Variants in MAML3 observed in about 807,000 individuals in gnomAD.
MAML3 encodes mastermind-like protein 3.
Under a neutral mutation model 101.9 loss-of-function variants are expected in MAML3, and 27 were observed. The ratio of observed to expected loss-of-function variants is 0.27; its 90% CI spans 0.20 to 0.37. MAML3 has a LOEUF of 0.37. MAML3 is among the 10% of genes least tolerant of loss of function. The probability of loss-of-function intolerance (pLI) is 1.00; values close to 1 mark genes in which losing one functional copy is unlikely to be tolerated. For missense variants in MAML3, 1,316 were observed against 1,444.9 expected, an observed-to-expected ratio of 0.91 and a Z score of 1.45; for synonymous variants, 501 against 555.9, an observed-to-expected ratio of 0.90 and a Z score of 1.39.
At chr4:139,909,731 G>A (rs1366123840) in intron 1 of MAML3, among the ~76,000 whole-genome samples, 1 of 151,166 alleles carries the variant, frequency 6.6e-6, no homozygotes, top group Non-Finnish European at 1.5e-5. Flanking sequence ...CAGCTACTCA[G>A]GAGGCTGAGG....
chr4:139,988,671 T>C (rs1345976051), intron 1 of MAML3, among the ~76,000 whole-genome samples: 1 of 151,964 alleles, frequency 6.6e-6, no homozygotes, highest in East Asian at 1.9e-4. Flanking sequence ...TTTAAGAGAG[T>C]AGAAATATTT....
chr4:139,831,245 C>A (rs958741023), intron 2 of MAML3, among the ~76,000 whole-genome samples: 1 of 152,090 alleles, frequency 6.6e-6, no homozygotes, highest in African/African-American at 2.4e-5. Context: ...ATCATAAAAT[C>A]CTCAGGGTAA....
rs1726987941 is a variant in MAML3 at position 140,036,414 on chromosome 4, A to T, written c.468+116446T>A. Among the ~76,000 whole-genome samples, 3 of 152,240 alleles carry T rather than the reference A, an allele frequency of 2.0e-5. No individual in the cohort carries two copies. In the East Asian group the frequency reaches 5.8e-4, roughly 29 times the overall value. On this transcript the variant is annotated intron_variant, in intron 1 of 4. Transcript: ENST00000509479. The stretch of plus-strand genomic sequence containing the variant: ...GTCAGAGAATACTACAGGGAGGATG[A>T]AACAGCTACCGCGATTAAAAACCTG...
chr4:140,026,204 G>A (rs1314156685), intron 1 of MAML3, among the ~76,000 whole-genome samples: 1 of 152,000 alleles, frequency 6.6e-6, no homozygotes, highest in Non-Finnish European at 1.5e-5. Context: ...ATGTGTGTGT[G>A]TGTGTCTGTG....
chr4:139,912,204 A>C (rs1249804707), intron 1 of MAML3, among the ~76,000 whole-genome samples: 1 of 152,232 alleles, frequency 6.6e-6, no homozygotes, highest in Non-Finnish European at 1.5e-5. Flanking sequence ...GGAAGGGCAT[A>C]TCAATGCCAT....
chr4:139,850,385 G>A (rs1731526958), intron 2 of MAML3, among the ~76,000 whole-genome samples: 1 of 152,114 alleles, frequency 6.6e-6, no homozygotes, highest in Admixed American at 6.6e-5. Context: ...AAGTTGTCCT[G>A]GTGACCTCTT....
At chr4:140,051,640 C>T (rs745969817) in intron 1 of MAML3, among the ~76,000 whole-genome samples, 1 of 152,048 alleles carries the variant, frequency 6.6e-6, no homozygotes, top group Non-Finnish European at 1.5e-5. Context: ...GAATCTTCAC[C>T]AAGATAGGTA....
chr4:139,813,817 A>C (rs1205366360), intron 2 of MAML3, among the ~76,000 whole-genome samples: 1 of 152,214 alleles, frequency 6.6e-6, no homozygotes. Flanking sequence ...AGAAAGAAAA[A>C]GAAATGGATT....
In MAML3 at chr4:140,052,840, A is replaced by C. The variant is rs140436112; in HGVS notation, c.468+100020T>G. ...GTAAGCCACCGTGCCTGGCAAAAAAACCCATATATTTCTATTTGATGAGAA... is the reference window on the plus strand; with the variant it reads ...GTAAGCCACCGTGCCTGGCAAAAAACCCCATATATTTCTATTTGATGAGAA... On this transcript the variant is annotated intron_variant, in intron 1 of 4. Transcript: ENST00000509479. Among the ~76,000 whole-genome samples the C allele has an allele frequency of 4.3e-3, 656 of 152,128 alleles. 6 individuals are homozygous for C. Among genetic ancestry groups the C allele is most frequent in the African/African-American group, 0.014 (580 of 41,500 alleles).
intron 1 of MAML3, among the ~76,000 whole-genome samples, chr4:140,054,469 C>CA (rs1324071330): frequency 6.6e-6 from 1 of 151,968 alleles, no homozygotes; most frequent in Non-Finnish European, 1.5e-5. Flanking sequence ...TTAGAGCTTT[C>CA]AGTTTCCTCC....
chr4:140,135,045 T>C (rs1019822490), intron 1 of MAML3, among the ~76,000 whole-genome samples: 10 of 152,220 alleles, frequency 6.6e-5, no homozygotes, highest in Middle Eastern at 3.4e-3. Flanking sequence ...GTTGAAGTCA[T>C]AAAGGGCTCA....
chr4:140,126,174 TAA>T (rs542556461), intron 1 of MAML3, among the ~76,000 whole-genome samples: 8,184 of 134,716 alleles, frequency 0.061, 807 homozygotes, highest in African/African-American at 0.21. Flanking sequence ...AAGCATTGTT[TAA>T]AAAAAAAAAA....
At chr4:139,996,704 T>TGC (rs1734823563) in intron 1 of MAML3, among the ~76,000 whole-genome samples, 1 of 152,058 alleles carries the variant, frequency 6.6e-6, no homozygotes, top group South Asian at 2.1e-4. Flanking sequence ...TGTGTGTGTG[T>TGC]GTGTTTTAAT....
chr4:140,056,142 C>T (rs1347398111), intron 1 of MAML3, among the ~76,000 whole-genome samples: 1 of 152,184 alleles, frequency 6.6e-6, no homozygotes, highest in African/African-American at 2.4e-5. Context: ...GGGGCGCCAG[C>T]TCCATGTGTG....
At chr4:140,139,559 G>C (rs1218422766) in intron 1 of MAML3, among the ~76,000 whole-genome samples, 1 of 152,124 alleles carries the variant, frequency 6.6e-6, no homozygotes, top group African/African-American at 2.4e-5. Context: ...GTAAGGTTAA[G>C]ATTTGATTTT....
intron 1 of MAML3, among the ~76,000 whole-genome samples, chr4:140,062,940 A>G (rs1560881391): frequency 1.3e-5 from 2 of 152,224 alleles, no homozygotes. Context: ...ACAAGTGAGT[A>G]ACTGCAACAT....
At chr4:139,835,637 C>G (rs147205806) in intron 2 of MAML3, among the ~76,000 whole-genome samples, 11 of 152,222 alleles carry the variant, frequency 7.2e-5, no homozygotes, top group Non-Finnish European at 1.2e-4. Context: ...TCAACGGGGA[C>G]CTGCCCTATT....
At chr4:140,020,190 G>A (rs937168241) in intron 1 of MAML3, among the ~76,000 whole-genome samples, 12 of 152,198 alleles carry the variant, frequency 7.9e-5, no homozygotes, top group African/African-American at 2.9e-4. Flanking sequence ...TCAGTGTTAA[G>A]TATTAACAAG....
At chr4:139,901,321 A>G (rs961209020) in intron 1 of MAML3, among the ~76,000 whole-genome samples, 1 of 152,202 alleles carries the variant, frequency 6.6e-6, no homozygotes, top group Non-Finnish European at 1.5e-5. Context: ...TGTAGGAAAA[A>G]GCTCCACTGA....
Sources: allele counts gnomAD v4.1 joint callset (sites outside exome capture counted in the v4.1 genomes callset), GRCh38; gene constraint gnomAD v4.1.1; transcripts MANE v1.5; gene names NCBI Gene and HGNC (gene_info 2026-07-23, HGNC 2026-07-21).